The following KLHDC1 variants were observed in gnomAD, a reference collection of about 807,000 sequenced individuals.
KLHDC1 encodes kelch domain containing 1, also known as kelch domain-containing protein 1.
A neutral mutation model predicts 68.3 loss-of-function variants in KLHDC1; 53 were observed. The observed-to-expected ratio is 0.78, with a 90% CI of 0.62 to 0.98. The LOEUF is 0.98. KLHDC1 is among the 50% of genes least tolerant of loss of function. The probability of loss-of-function intolerance (pLI) is 0.00; values close to 1 mark genes in which losing one functional copy is unlikely to be tolerated. For missense variants in KLHDC1, 470 were observed against 492.3 expected (o/e 0.95, Z 0.43); for synonymous variants, 148 against 159.0 (o/e 0.93, Z 0.52).
At position 49,693,155 on chromosome 14, in the gene KLHDC1, G is replaced by C; in HGVS notation, c.-40G>C. On this transcript the variant is annotated 5_prime_UTR_variant, in exon 1 of 13. Transcript: ENST00000359332. ...GGAGGCGAGGCCGCCGGGCGGGCAG[G>C]GGTTGTGGCGCGGCAAGCGGCGGGC... is the stretch of plus-strand genomic sequence containing the variant. 1 of 1,544,096 alleles carries C rather than the reference G, an allele frequency of 6.5e-7. No individual in the cohort carries two copies. Among genetic ancestry groups the C allele is most frequent in the South Asian group, 1.2e-5 (1 of 86,180 alleles).
chr14:49,751,707 C>T lies in KLHDC1; in HGVS notation c.1156C>T (p.Arg386Ter), dbSNP rs759426192. 23 of 1,604,362 alleles carry T rather than the reference C, an allele frequency of 1.4e-5. No homozygotes were observed. In the South Asian group the frequency reaches 2.1e-4, roughly 15 times the overall value. ...KITFWAAANH[R>*]EEQRVQKEET... Reference sequence around the variant, plus strand: ...AACATTTTGGGCTGCAGCTAATCACCGAGAAGAACAAAGAGTCCAAAAAGA... The same window carrying T: ...AACATTTTGGGCTGCAGCTAATCACTGAGAAGAACAAAGAGTCCAAAAAGA... The change falls in exon 13 of 13, where the codon CGA (arginine) becomes TGA (stop). Residue 386 changes from arginine to a stop codon, truncating the protein, a stop_gained. Transcript: ENST00000359332. LOFTEE classifies it high-confidence loss of function.
intron 1 of KLHDC1, chr14:49,708,510 T>C (rs1161782002): frequency 6.6e-6 from 1 of 152,252 alleles, no homozygotes; most frequent in Non-Finnish European, 1.5e-5. Flanking sequence ...TATACAAGTC[T>C]TATTTATCTT....
rs1889352144 is a variant in KLHDC1, at chr14:49,753,068, T to G, written c.*1296T>G. ...ATGTATTGAAATATTTTTTTACGTT[T>G]TATTTATTGTACAAAGTGTATATAA... On this transcript the variant is annotated 3_prime_UTR_variant, in exon 13 of 13. Coordinates refer to ENST00000359332, the MANE Select transcript of KLHDC1 (RefSeq NM_172193.3). 4 of 152,174 alleles carry G rather than the reference T, an allele frequency of 2.6e-5. No individual in the cohort carries two copies. The South Asian group carries it at 8.3e-4, about 32-fold the overall frequency. 9.4% of individuals were successfully genotyped at this position (152,174 alleles called of 1,614,324 possible). A position where few individuals can be genotyped will look rare whatever the true frequency, so the allele number is the denominator to read the frequency against.
Position 49,740,201 on chromosome 14 carries a change from T to A in KLHDC1, c.981+19T>A. On this transcript the variant is annotated intron_variant, in intron 11 of 12. Transcript: ENST00000359332. ...GGATACAGTAAGAAAATCTTATATC[T>A]AAATATTTCCTCTGAGTAGTTGTGT... is the stretch of plus-strand genomic sequence containing the variant. 1 of 1,427,792 alleles carries A rather than the reference T, an allele frequency of 7.0e-7. No individual in the cohort carries two copies. Among genetic ancestry groups the A allele is most frequent in the Non-Finnish European group, 9.8e-7 (1 of 1,016,676 alleles). The allele number at this position is 1,427,792 out of a possible 1,614,324, so 88.4% of individuals were successfully genotyped here. A position where few individuals can be genotyped will look rare whatever the true frequency, so the allele number is the denominator to read the frequency against.
At chr14:49,729,064 T>G in intron 7 of KLHDC1, 55 bp downstream of exon 7, 1 of 1,177,924 alleles carries the variant, frequency 8.5e-7, no homozygotes, top group Non-Finnish European at 1.3e-6. Context: ...TTATAAAAAT[T>G]TATCCTCTGA....
chr14:49,738,512 A>G (rs917938253), intron 10 of KLHDC1, among the ~76,000 whole-genome samples: 2 of 151,808 alleles, frequency 1.3e-5, no homozygotes, highest in African/African-American at 2.4e-5. Context: ...AAGCTCGGCT[A>G]ATTTTTTTTT....
At chr14:49,728,879 T>A in intron 6 of KLHDC1, 47 bp from the exon 7 acceptor site, 1 of 1,271,428 alleles carries the variant, frequency 7.9e-7, no homozygotes, top group South Asian at 1.2e-5. Context: ...GTAACTTTAT[T>A]ACAGATATTT....
intron 6 of KLHDC1, among the ~76,000 whole-genome samples, chr14:49,727,884 T>C (rs1169119069): frequency 3.9e-5 from 6 of 152,298 alleles, no homozygotes; most frequent in African/African-American, 1.4e-4. Flanking sequence ...GCCAGTGAGC[T>C]GAAAATGTCA....
intron 10 of KLHDC1, among the ~76,000 whole-genome samples, chr14:49,735,177 A>C (rs2139761579): frequency 6.6e-6 from 1 of 152,054 alleles, no homozygotes; most frequent in South Asian, 2.1e-4. Context: ...TTTATGGTAT[A>C]TTATAGAATT....
chr14:49,738,779 A>G (rs1449693871), intron 10 of KLHDC1, among the ~76,000 whole-genome samples: 3 of 152,108 alleles, frequency 2.0e-5, no homozygotes, highest in Non-Finnish European at 4.4e-5. Flanking sequence ...GCCAACAAGC[A>G]CTCTCCAGAG....
intron 1 of KLHDC1, chr14:49,700,047 T>C (rs1036223318): frequency 1.1e-5 from 4 of 360,342 alleles, no homozygotes; most frequent in Admixed American, 7.5e-5. Flanking sequence ...TTTTTTTTTT[T>C]AGATGGAGTC....
intron 1 of KLHDC1, chr14:49,707,546 C>G (rs2139736196): frequency 6.6e-6 from 1 of 151,770 alleles, no homozygotes; most frequent in Non-Finnish European, 1.5e-5. Context: ...CGGGGTTTCA[C>G]CATGTGGGCC....
intron 4 of KLHDC1, among the ~76,000 whole-genome samples, chr14:49,716,925 T>G (rs1888392694): frequency 6.6e-6 from 1 of 152,172 alleles, no homozygotes; most frequent in Non-Finnish European, 1.5e-5. Flanking sequence ...TCTATAATAA[T>G]TTACGAATAA....
At chr14:49,749,453 A>G (rs1287405625) in intron 12 of KLHDC1, among the ~76,000 whole-genome samples, 1 of 152,038 alleles carries the variant, frequency 6.6e-6, no homozygotes, top group Non-Finnish European at 1.5e-5. Flanking sequence ...GGATCACCCA[A>G]GGGGCAGGAG....
chr14:49,747,477 TC>T (rs1200202183), intron 12 of KLHDC1, among the ~76,000 whole-genome samples: 1 of 152,208 alleles, frequency 6.6e-6, no homozygotes, highest in Non-Finnish European at 1.5e-5. Context: ...TAGAGCAGTG[TC>T]TTGAGAAGGT....
At chr14:49,743,055 G>C (rs1180769569) in intron 11 of KLHDC1, among the ~76,000 whole-genome samples, 2 of 121,942 alleles carry the variant, frequency 1.6e-5, no homozygotes, top group East Asian at 2.5e-4. Context: ...CTGGGCAAGA[G>C]AGCCAGACCC....
At chr14:49,698,030 A>G (rs1887792252) in intron 1 of KLHDC1, among the ~76,000 whole-genome samples, 4 of 152,156 alleles carry the variant, frequency 2.6e-5, no homozygotes, top group African/African-American at 2.4e-5. Flanking sequence ...TCTTGATGCA[A>G]AGAGTCTAGA....
chr14:49,736,820 T>G (rs998109737), intron 10 of KLHDC1, among the ~76,000 whole-genome samples: 1 of 152,246 alleles, frequency 6.6e-6, no homozygotes, highest in African/African-American at 2.4e-5. Flanking sequence ...CCCCAACTTA[T>G]GACAACTAAA....
At chr14:49,708,396 G>A (rs564267520) in intron 1 of KLHDC1, 91 of 152,186 alleles carry the variant, frequency 6.0e-4, no homozygotes, top group African/African-American at 2.0e-3. Context: ...GCGCCCAGCT[G>A]GTTATTTTTG....
Sources: gnomAD v4.1 joint callset for allele counts (sites outside exome capture counted in the v4.1 genomes callset) on GRCh38, gnomAD v4.1.1 for gene constraint, MANE v1.5 for transcripts, NCBI Gene and HGNC (gene_info 2026-07-23, HGNC 2026-07-21) for gene names.